Variants in NTNG1 observed in about 807,000 individuals in gnomAD.
NTNG1 encodes the protein netrin-G1.
NTNG1 carries 16 observed loss-of-function variants against 54.0 expected under a neutral mutation model. The observed-to-expected ratio is 0.30, with a 90% CI of 0.20 to 0.45. The LOEUF is 0.45. Among genes scored for constraint, NTNG1 ranks in the 20% least tolerant of loss-of-function variants. The probability of loss-of-function intolerance (pLI) is 1.00; values close to 1 mark genes in which losing one functional copy is unlikely to be tolerated. For synonymous variants in NTNG1, 255 were observed against 263.1 expected, an observed-to-expected ratio of 0.97 and a Z score of 0.30; for missense variants, 530 against 678.7, an observed-to-expected ratio of 0.78 and a Z score of 2.43.
chr1:107,345,891 A>G (rs1219152108), intron 3 of NTNG1, among the ~76,000 whole-genome samples: 1 of 152,178 alleles, frequency 6.6e-6, no homozygotes, highest in African/African-American at 2.4e-5. Flanking sequence ...TCAGAATTGA[A>G]AGTGTTCATT....
intron 4 of NTNG1, among the ~76,000 whole-genome samples, chr1:107,397,053 T>C (rs1217713524): frequency 1.3e-5 from 2 of 152,212 alleles, no homozygotes; most frequent in Non-Finnish European, 2.9e-5. Flanking sequence ...ATAATCATCA[T>C]GGAAATGTCT....
At chr1:107,150,811 G>A (rs1276378066) in intron 2 of NTNG1, among the ~76,000 whole-genome samples, 3 of 152,176 alleles carry the variant, frequency 2.0e-5, no homozygotes, top group Middle Eastern at 3.2e-3. Flanking sequence ...ATCTTCCCAT[G>A]CCTGCCTTTC....
intron 3 of NTNG1, among the ~76,000 whole-genome samples, chr1:107,331,962 A>G (rs1363528036): frequency 6.6e-6 from 1 of 152,118 alleles, no homozygotes; most frequent in Non-Finnish European, 1.5e-5. Context: ...AGAGTATTCA[A>G]ATGAAAAGCA....
Position 107,483,353 on chromosome 1 carries a change from G to T in NTNG1, c.*2513G>T, listed in dbSNP as rs926600105. On this transcript the variant is annotated 3_prime_UTR_variant, in exon 8 of 8. Coordinates refer to ENST00000370068, the MANE Select transcript of NTNG1 (RefSeq NM_001113226.3). ...GCATTTTATCTTTATGAGGCCATAA[G>T]AATCTAAATTGATGAGGAATATCTT... is the stretch of plus-strand genomic sequence containing the variant. 4 of 152,194 alleles carry T rather than the reference G, an allele frequency of 2.6e-5. No homozygotes were observed. The highest frequency in any genetic ancestry group is 9.6e-5 in the African/African-American group (4 of 41,460). The allele number at this position is 152,194 out of a possible 1,614,324, so 9.4% of individuals were successfully genotyped here.
chr1:107,444,029 T>A (rs903451398), intron 7 of NTNG1, among the ~76,000 whole-genome samples: 4 of 152,074 alleles, frequency 2.6e-5, no homozygotes, highest in Non-Finnish European at 4.4e-5. Context: ...AAATAGAAAG[T>A]GGCAATTTGT....
intron 3 of NTNG1, among the ~76,000 whole-genome samples, chr1:107,325,442 T>C (rs1246103598): frequency 1.3e-5 from 2 of 152,174 alleles, no homozygotes; most frequent in African/African-American, 2.4e-5. Context: ...GGACACGCTC[T>C]ACTTTTCATG....
intron 2 of NTNG1, among the ~76,000 whole-genome samples, chr1:107,280,034 G>GGT (rs58563513): frequency 0.03 from 4,347 of 146,388 alleles, 120 homozygotes; most frequent in African/African-American, 0.072. Context: ...TTCCTTTGTT[G>GGT]GTGTGTGTGT....
At chr1:107,238,245 G>T (rs1004119615) in intron 2 of NTNG1, among the ~76,000 whole-genome samples, 2 of 152,178 alleles carry the variant, frequency 1.3e-5, no homozygotes, top group African/African-American at 2.4e-5. Flanking sequence ...CTTGCATGGG[G>T]TCTATAGCCC....
chr1:107,304,017 A>G (rs1666499797), intron 2 of NTNG1, among the ~76,000 whole-genome samples: 1 of 142,930 alleles, frequency 7.0e-6, no homozygotes, highest in Non-Finnish European at 1.5e-5. Context: ...GCCTCTTTTC[A>G]GAAAAAAAAA....
chr1:107,379,284 C>T lies in NTNG1; in HGVS notation c.888-15870C>T, dbSNP rs138710701. 9.9e-5 allele frequency among the ~76,000 whole-genome samples: 15 copies of T among 152,236 alleles called. No homozygotes were observed. In the South Asian group the frequency reaches 1.7e-3, roughly 17 times the overall value. On this transcript the variant is annotated intron_variant, in intron 3 of 7. Coordinates refer to ENST00000370068, the MANE Select transcript of NTNG1 (RefSeq NM_001113226.3). The stretch of plus-strand genomic sequence containing the variant: ...GGTTTTTATTTTAAAAAGCACATGT[C>T]GCTTCATTTCTATGGTCATCTCTAC...
chr1:107,197,048 T>C (rs1658391689), intron 2 of NTNG1, among the ~76,000 whole-genome samples: 2 of 152,028 alleles, frequency 1.3e-5, no homozygotes, highest in Admixed American at 6.6e-5. Flanking sequence ...ATATGGTTGT[T>C]ATACAAGTTT....
rs1677573203 is a variant in NTNG1 at position 107,465,869 on chromosome 1, G to A, written c.1391-14742G>A. 3.3e-5 allele frequency among the ~76,000 whole-genome samples: 5 copies of A among 152,152 alleles called. No individual in the cohort carries two copies. The South Asian group carries it at 1.0e-3, about 32-fold the overall frequency. On this transcript the variant is annotated intron_variant, in intron 7 of 7. Coordinates refer to ENST00000370068, the MANE Select transcript of NTNG1 (RefSeq NM_001113226.3). Reference sequence around the variant, plus strand: ...ATAATACCTATGTACCAGATTATTAGATATATTCAATTAGATAACAGATGT... The same window carrying A: ...ATAATACCTATGTACCAGATTATTAAATATATTCAATTAGATAACAGATGT...
At chr1:107,452,190 G>A (rs1446954124) in intron 7 of NTNG1, among the ~76,000 whole-genome samples, 1 of 152,130 alleles carries the variant, frequency 6.6e-6, no homozygotes, top group Non-Finnish European at 1.5e-5. Context: ...GCTATTATTG[G>A]TATTACTGTA....
intron 2 of NTNG1, among the ~76,000 whole-genome samples, chr1:107,195,288 A>G (rs1320720240): frequency 6.6e-6 from 1 of 151,998 alleles, no homozygotes; most frequent in Admixed American, 6.6e-5. Flanking sequence ...CTCAAAAGGT[A>G]TTCAGAATCG....
intron 3 of NTNG1, among the ~76,000 whole-genome samples, chr1:107,383,481 GA>G (rs1052950510): frequency 1.4e-4 from 21 of 151,984 alleles, no homozygotes; most frequent in Non-Finnish European, 3.1e-4. Context: ...TCTATAAAGA[GA>G]AAAAAAGAAA....
intron 7 of NTNG1, among the ~76,000 whole-genome samples, chr1:107,451,550 C>T (rs1274824555): frequency 2.0e-5 from 3 of 152,110 alleles, no homozygotes. Flanking sequence ...TTGGTTTCGT[C>T]TGCATTTGTA....
chr1:107,241,416 A>C (rs1405225057), intron 2 of NTNG1, among the ~76,000 whole-genome samples: 1 of 152,236 alleles, frequency 6.6e-6, no homozygotes, highest in Admixed American at 6.5e-5. Flanking sequence ...TTTACTATAC[A>C]GAAAAAAATT....
chr1:107,268,824 T>C (rs938699665), intron 2 of NTNG1, among the ~76,000 whole-genome samples: 4 of 152,194 alleles, frequency 2.6e-5, no homozygotes, highest in African/African-American at 9.7e-5. Context: ...GCCTAAAATC[T>C]TGTAGTTGTC....
chr1:107,240,082 T>G (rs1339783785), intron 2 of NTNG1, among the ~76,000 whole-genome samples: 2 of 152,184 alleles, frequency 1.3e-5, no homozygotes, highest in Non-Finnish European at 2.9e-5. Context: ...AGTAATGTTT[T>G]GATGTATGTG....
Sources: allele counts gnomAD v4.1 joint callset (sites outside exome capture counted in the v4.1 genomes callset), GRCh38; gene constraint gnomAD v4.1.1; transcripts MANE v1.5; gene names NCBI Gene and HGNC (gene_info 2026-07-23, HGNC 2026-07-21).